APBA2: variants seen among roughly 807,000 people sequenced by gnomAD.
APBA2 encodes amyloid-beta A4 precursor protein-binding family A member 2.
Under a neutral mutation model 75.0 loss-of-function variants are expected in APBA2, and 30 were observed. The ratio of observed to expected loss-of-function variants is 0.40; its 90% confidence interval spans 0.30 to 0.54. The LOEUF (loss-of-function observed/expected upper bound fraction) is 0.54, where lower values mean the gene tolerates loss of function less well. Ranked by LOEUF, APBA2 falls within the 20% of genes least tolerant of loss-of-function variation. APBA2 has a pLI of 0.49. For missense variants in APBA2, 801 were observed against 1,016.1 expected, an observed-to-expected ratio of 0.79 and a Z score of 2.88; for synonymous variants, 444 against 409.6, an observed-to-expected ratio of 1.08 and a Z score of -1.01.
At chr15:29,058,862 G>A (rs905474881) in intron 4 of APBA2, among the ~76,000 whole-genome samples, 3 of 152,250 alleles carry the variant, frequency 2.0e-5, no homozygotes, top group Non-Finnish European at 2.9e-5. Flanking sequence ...ATGTGGCATT[G>A]TAGAATTCCA....
chr15:29,022,909 T>G (rs2040023773), intron 3 of APBA2, among the ~76,000 whole-genome samples: 1 of 152,194 alleles, frequency 6.6e-6, no homozygotes, highest in Non-Finnish European at 1.5e-5. Context: ...TTTGTACACT[T>G]TTGTTATGTT....
At chr15:28,954,497 T>G (rs1198908479) in intron 2 of APBA2, among the ~76,000 whole-genome samples, 1 of 152,184 alleles carries the variant, frequency 6.6e-6, no homozygotes, top group African/African-American at 2.4e-5. Flanking sequence ...TTCTGCGGAC[T>G]TTGGTACTGG....
intron 2 of APBA2, among the ~76,000 whole-genome samples, chr15:28,959,015 A>C (rs1315066745): frequency 6.6e-6 from 1 of 151,886 alleles, no homozygotes; most frequent in African/African-American, 2.4e-5. Context: ...TTTGATACAG[A>C]ATCTCCCTCT....
intron 2 of APBA2, among the ~76,000 whole-genome samples, chr15:28,924,805 ACT>A (rs1205792500): frequency 2.6e-5 from 4 of 151,622 alleles, no homozygotes; most frequent in Non-Finnish European, 5.9e-5. Context: ...TTCTGTGGTG[ACT>A]CTGTTTCACT....
At chr15:29,115,034 G>A (rs1009504097) in intron 14 of APBA2, among the ~76,000 whole-genome samples, 3 of 151,918 alleles carry the variant, frequency 2.0e-5, no homozygotes, top group Non-Finnish European at 4.4e-5. Flanking sequence ...GTGTGAAGGG[G>A]TGTTCAGCAC....
At chr15:29,114,274 G>C (rs2044920913) in intron 14 of APBA2, among the ~76,000 whole-genome samples, 1 of 152,218 alleles carries the variant, frequency 6.6e-6, no homozygotes. Context: ...GACTGGACCT[G>C]TATGTCCAGT....
At chr15:28,898,106 C>G (rs2032621312) in intron 1 of APBA2, among the ~76,000 whole-genome samples, 2 of 152,158 alleles carry the variant, frequency 1.3e-5, no homozygotes. Flanking sequence ...GGATTCTCCC[C>G]TGGTGCCTCT....
At chr15:29,062,705 T>C (rs1044110933) in intron 4 of APBA2, among the ~76,000 whole-genome samples, 1 of 152,160 alleles carries the variant, frequency 6.6e-6, no homozygotes, top group Non-Finnish European at 1.5e-5. Context: ...GCTCTCCCAC[T>C]ACCACTAATA....
At chr15:28,934,521 G>A (rs1403412289) in intron 2 of APBA2, among the ~76,000 whole-genome samples, 1 of 152,210 alleles carries the variant, frequency 6.6e-6, no homozygotes, top group Non-Finnish European at 1.5e-5. Flanking sequence ...ACAGGGTCTA[G>A]GTGTGCGAGG....
intron 2 of APBA2, among the ~76,000 whole-genome samples, chr15:28,966,999 C>G (rs2036774390): frequency 6.6e-6 from 1 of 152,184 alleles, no homozygotes. Context: ...TTTGCTTCAA[C>G]TTAAAGTATG....
intron 1 of APBA2, among the ~76,000 whole-genome samples, chr15:28,913,212 T>C (rs2033512716): frequency 6.6e-6 from 1 of 152,204 alleles, no homozygotes; most frequent in Admixed American, 6.5e-5. Flanking sequence ...CCCCTCCTGA[T>C]ACAGGGATCC....
At chr15:28,912,733 G>T (rs1277992416) in intron 1 of APBA2, among the ~76,000 whole-genome samples, 3 of 152,238 alleles carry the variant, frequency 2.0e-5, no homozygotes, top group Non-Finnish European at 2.9e-5. Flanking sequence ...AATCCTCCAG[G>T]CTGCAGAGAT....
chr15:28,940,467 CGGGTG>C (rs1173306146), intron 2 of APBA2, among the ~76,000 whole-genome samples: 5 of 117,052 alleles, frequency 4.3e-5, no homozygotes, highest in African/African-American at 2.1e-4. Context: ...GGCGTGAACC[CGGGTG>C]AACCCGGGAG....
intron 1 of APBA2, among the ~76,000 whole-genome samples, chr15:28,900,876 A>G (rs2032808864): frequency 6.6e-6 from 1 of 152,046 alleles, no homozygotes; most frequent in Non-Finnish European, 1.5e-5. Flanking sequence ...TGTATTGTAA[A>G]TTGTATATTT....
At chr15:29,035,683 C>T (rs574502308) in intron 3 of APBA2, among the ~76,000 whole-genome samples, 30 of 152,266 alleles carry the variant, frequency 2.0e-4, no homozygotes, top group African/African-American at 7.0e-4. Context: ...GTTCCACGTT[C>T]GAAGCAGGGG....
intron 3 of APBA2, among the ~76,000 whole-genome samples, chr15:29,031,314 A>C (rs1460235304): frequency 6.6e-6 from 1 of 152,142 alleles, no homozygotes; most frequent in Non-Finnish European, 1.5e-5. Context: ...AATCCATAGA[A>C]ATGTATTGCC....
intron 13 of APBA2, chr15:29,108,739 A>G: frequency 2.3e-6 from 1 of 436,940 alleles, no homozygotes; most frequent in East Asian, 4.6e-5. Flanking sequence ...TGTGCTCAAC[A>G]AACAGACGTT....
chr15:29,033,255 G>A (rs2040574243), intron 3 of APBA2, among the ~76,000 whole-genome samples: 1 of 152,186 alleles, frequency 6.6e-6, no homozygotes, highest in Admixed American at 6.5e-5. Flanking sequence ...CCTCTTTGAT[G>A]TCCTTTCTGC....
At chr15:28,912,757 C>G (rs2033490496) in intron 1 of APBA2, among the ~76,000 whole-genome samples, 1 of 152,206 alleles carries the variant, frequency 6.6e-6, no homozygotes, top group Non-Finnish European at 1.5e-5. Context: ...AGAGGAGGAC[C>G]CTAATGTCTC....
Sources: allele counts gnomAD v4.1 joint callset (sites outside exome capture counted in the v4.1 genomes callset), GRCh38; gene constraint gnomAD v4.1.1; transcripts MANE v1.5; gene names NCBI Gene and HGNC (gene_info 2026-07-23, HGNC 2026-07-21).